Variants in GRM7 observed in about 807,000 individuals in gnomAD.
GRM7 encodes the protein glutamate metabotropic receptor 7, also known as metabotropic glutamate receptor 7.
GRM7 carries 35 observed loss-of-function variants against 84.5 expected under a neutral mutation model. That is an observed-to-expected ratio of 0.41 (90% CI 0.32 to 0.55). GRM7 has a LOEUF of 0.55. GRM7 is among the 20% of genes least tolerant of loss of function. The pLI is 0.19. For missense variants in GRM7, 1,003 were observed against 1,194.6 expected (o/e 0.84, Z 2.36); for synonymous variants, 487 against 455.1 (o/e 1.07, Z -0.89).
intron 4 of GRM7, among the ~76,000 whole-genome samples, chr3:7,329,138 A>T (rs1163336751): frequency 1.3e-5 from 2 of 152,004 alleles, no homozygotes; most frequent in African/African-American, 4.8e-5. Context: ...GAAAGACATC[A>T]TCAAAGTATT....
At chr3:7,617,994 T>C (rs1697181357) in intron 8 of GRM7, among the ~76,000 whole-genome samples, 1 of 152,140 alleles carries the variant, frequency 6.6e-6, no homozygotes. Flanking sequence ...TTAAACCCTC[T>C]TGTGCCTTAG....
At chr3:7,336,524 T>C (rs1559246285) in intron 4 of GRM7, among the ~76,000 whole-genome samples, 2 of 152,004 alleles carry the variant, frequency 1.3e-5, no homozygotes, top group Non-Finnish European at 1.5e-5. Flanking sequence ...TTCAACATAA[T>C]ACTGGAAGTC....
chr3:7,595,181 T>C (rs1476583565), intron 8 of GRM7, among the ~76,000 whole-genome samples: 1 of 152,156 alleles, frequency 6.6e-6, no homozygotes, highest in Non-Finnish European at 1.5e-5. Context: ...TACATAGTAA[T>C]TGGATAAAGC....
intron 1 of GRM7, among the ~76,000 whole-genome samples, chr3:6,879,677 T>G (rs189747766): frequency 1.4e-4 from 21 of 152,298 alleles, no homozygotes; most frequent in Admixed American, 1.2e-3. Flanking sequence ...AATCTGATGA[T>G]TAATAGTCTA....
At position 7,578,372 on chromosome 3, in the gene GRM7, A is replaced by G. The variant is rs761832262; in HGVS notation, c.1516-50A>G. Reference sequence around the variant, plus strand: ...TGTTTGCTGCTGGTGTTCTTTTTCTATTCTCTTGAAGAATCTGCCTGATTC... The same window carrying G: ...TGTTTGCTGCTGGTGTTCTTTTTCTGTTCTCTTGAAGAATCTGCCTGATTC... On this transcript the variant is annotated intron_variant, in intron 7 of 9. Transcript: ENST00000357716. The G allele has an allele frequency of 4.8e-6, 6 of 1,262,820 alleles. No individual in the cohort carries two copies. The Admixed American group carries it at 8.2e-5, about 17-fold the overall frequency. 78.2% of individuals were successfully genotyped at this position (1,262,820 alleles called of 1,614,324 possible).
chr3:6,888,387 C>A (rs1260176592), intron 1 of GRM7, among the ~76,000 whole-genome samples: 4 of 152,102 alleles, frequency 2.6e-5, no homozygotes, highest in South Asian at 2.1e-4. Context: ...AGTCTTTAAT[C>A]CATCTTGAAT....
At chr3:7,561,113 C>A (rs963807038) in intron 7 of GRM7, among the ~76,000 whole-genome samples, 1 of 152,108 alleles carries the variant, frequency 6.6e-6, no homozygotes, top group Non-Finnish European at 1.5e-5. Context: ...TACTTACAGA[C>A]CTTCATCCTC....
chr3:7,713,018 C>T (rs571038570), intron 9 of GRM7, among the ~76,000 whole-genome samples: 3 of 151,986 alleles, frequency 2.0e-5, no homozygotes, highest in African/African-American at 7.2e-5. Flanking sequence ...TAGATTAGGG[C>T]CCACCCTCAT....
intron 2 of GRM7, among the ~76,000 whole-genome samples, chr3:7,238,832 C>T (rs1012898694): frequency 5.8e-5 from 8 of 137,522 alleles, no homozygotes; most frequent in African/African-American, 2.3e-4. Flanking sequence ...CTCTCCTCTC[C>T]CCTCCCCTCC....
At chr3:7,654,144 A>G (rs939328322) in intron 8 of GRM7, among the ~76,000 whole-genome samples, 1 of 152,138 alleles carries the variant, frequency 6.6e-6, no homozygotes, top group Non-Finnish European at 1.5e-5. Context: ...CTCTGAGCTC[A>G]TAGAGTCTTA....
chr3:7,464,461 A>C (rs1698378356), intron 7 of GRM7, among the ~76,000 whole-genome samples: 1 of 152,146 alleles, frequency 6.6e-6, no homozygotes, highest in Admixed American at 6.5e-5. Context: ...ACAACCTATA[A>C]ATGGTCTTTA....
chr3:6,862,815 C>T lies in GRM7; in HGVS notation c.519+908C>T, dbSNP rs1694805596. 9.9e-6 allele frequency: 3 copies of T among 303,108 alleles called. No individual in the cohort carries two copies. The highest frequency in any genetic ancestry group is 7.2e-5 in the South Asian group (3 of 41,860). 18.8% of individuals were successfully genotyped at this position (303,108 alleles called of 1,614,324 possible). ...CGATTCCCGGAGCGAGGCATGAAGG[C>T]GCCCGTTGGGAGGCAGAGGGGTGCG... On this transcript the variant is annotated intron_variant, in intron 1 of 9. Transcript: ENST00000357716. This position sits in a 1 kb window ranked among gnomAD's most constrained non-coding sequence, Gnocchi z 5.2.
chr3:7,202,113 A>T (rs1191242951), intron 2 of GRM7, among the ~76,000 whole-genome samples: 2 of 152,076 alleles, frequency 1.3e-5, no homozygotes, highest in Non-Finnish European at 2.9e-5. Flanking sequence ...CTAGCCAAAA[A>T]AGTCTATAGT....
intron 1 of GRM7, among the ~76,000 whole-genome samples, chr3:6,918,094 G>A (rs927650569): frequency 3.3e-5 from 5 of 152,132 alleles, no homozygotes; most frequent in Admixed American, 6.6e-5. Flanking sequence ...ACTTTCCAAA[G>A]TGCTTTCTAA....
chr3:7,664,195 T>G (rs1328844289), intron 8 of GRM7, among the ~76,000 whole-genome samples: 1 of 152,190 alleles, frequency 6.6e-6, no homozygotes, highest in Non-Finnish European at 1.5e-5. Context: ...TGGAGTTCAG[T>G]GTTCCTCCCC....
At chr3:7,586,809 A>G (rs1695541788) in intron 8 of GRM7, among the ~76,000 whole-genome samples, 1 of 152,214 alleles carries the variant, frequency 6.6e-6, no homozygotes. Flanking sequence ...CTCTGTCTCA[A>G]AAAAACCGCA....
intron 1 of GRM7, among the ~76,000 whole-genome samples, chr3:7,061,104 G>A (rs1434730341): frequency 6.6e-6 from 1 of 151,650 alleles, no homozygotes; most frequent in African/African-American, 2.4e-5. Flanking sequence ...TTTATATGTG[G>A]GCAGACTCTT....
intron 7 of GRM7, among the ~76,000 whole-genome samples, chr3:7,500,789 T>C (rs193220871): frequency 6.6e-6 from 1 of 152,308 alleles, no homozygotes; most frequent in East Asian, 1.9e-4. Flanking sequence ...ATAGTTTGGC[T>C]GAAGTCTACT....
chr3:7,568,718 C>T (rs1694461685), intron 7 of GRM7, among the ~76,000 whole-genome samples: 1 of 152,148 alleles, frequency 6.6e-6, no homozygotes, highest in Non-Finnish European at 1.5e-5. Context: ...CGGCCCTGGG[C>T]AATGAGGGGC....
Sources: allele counts gnomAD v4.1 joint callset (sites outside exome capture counted in the v4.1 genomes callset), GRCh38; gene constraint gnomAD v4.1.1; non-coding constraint Gnocchi (gnomAD v3.1); transcripts MANE v1.5; gene names NCBI Gene and HGNC (gene_info 2026-07-23, HGNC 2026-07-21).